Variants in NKAIN3 observed in about 807,000 individuals in gnomAD.
NKAIN3 encodes sodium/potassium transporting ATPase interacting 3, also known as sodium/potassium-transporting ATPase subunit beta-1-interacting protein 3.
A neutral mutation model predicts 30.2 loss-of-function variants in NKAIN3; 25 were observed. The observed-to-expected ratio is 0.83, with a 90% CI of 0.60 to 1.16. The LOEUF (loss-of-function observed/expected upper bound fraction) is 1.16. NKAIN3 is among the 50% of genes most tolerant of loss of function. The pLI, the probability that NKAIN3 is intolerant of heterozygous loss-of-function variation, is 0.00. For missense variants in NKAIN3, 225 were observed against 254.1 expected, an observed-to-expected ratio of 0.89 and a Z score of 0.78; for synonymous variants, 91 against 89.6, an observed-to-expected ratio of 1.02 and a Z score of -0.09.
chr8:62,788,765 T>C (rs1817607697), intron 4 of NKAIN3, among the ~76,000 whole-genome samples: 1 of 151,746 alleles, frequency 6.6e-6, no homozygotes, highest in South Asian at 2.1e-4. Flanking sequence ...CTAGCCAGTT[T>C]TCCCAGCACC....
chr8:62,906,393 G>A (rs905487344), intron 4 of NKAIN3, among the ~76,000 whole-genome samples: 5 of 152,192 alleles, frequency 3.3e-5, no homozygotes, highest in African/African-American at 1.2e-4. Context: ...TCTGCACAGA[G>A]CAGTGTGTCA....
At chr8:62,646,840 A>G (rs995149872) in intron 3 of NKAIN3, among the ~76,000 whole-genome samples, 9 of 152,182 alleles carry the variant, frequency 5.9e-5, no homozygotes, top group African/African-American at 2.2e-4. Context: ...AGAACAGGCC[A>G]ATCACAAAAT....
rs73258775 is a variant in NKAIN3 at position 62,855,698 on chromosome 8, G to A, written c.472-62755G>A. 5.5e-3 allele frequency: 8,759 copies of A among 1,593,540 alleles called. 391 individuals are homozygous for A. The African/African-American group carries it at 0.1, about 18-fold the overall frequency. On this transcript the variant is annotated intron_variant, in intron 4 of 6. Transcript: ENST00000623646. ...GTTCTCAAAGCTGTCACTTCTGCAT[G>A]TGAAGCGGAGCTTCTGAACGATAGC...
chr8:62,692,601 T>TC (rs35572018), intron 3 of NKAIN3, among the ~76,000 whole-genome samples: 67,413 of 152,046 alleles, frequency 0.44, 18,233 homozygotes, highest in African/African-American at 0.75. Flanking sequence ...GATCCCCATT[T>TC]CTTATTCTGG....
intron 3 of NKAIN3, among the ~76,000 whole-genome samples, chr8:62,703,195 T>TG (rs1296150094): frequency 1.3e-5 from 2 of 152,142 alleles, no homozygotes; most frequent in African/African-American, 2.4e-5. Flanking sequence ...TTTAATATAT[T>TG]AAAAATATAT....
At chr8:62,664,743 C>T (rs138426987) in intron 3 of NKAIN3, among the ~76,000 whole-genome samples, 3 of 152,130 alleles carry the variant, frequency 2.0e-5, no homozygotes, top group South Asian at 2.1e-4. Context: ...TCTTCTCCCC[C>T]CTATGCATCT....
rs75877876 is a variant in NKAIN3, at chr8:62,780,450, T to C, written c.471+33321T>C. On this transcript the variant is annotated intron_variant, in intron 4 of 6. Coordinates refer to ENST00000623646, the MANE Select transcript of NKAIN3 (RefSeq NM_001304533.3). ...AACTCATTCTACAATGATAGCATCA[T>C]CCTAATACCAAACCCAGACAAGGAC... is the stretch of plus-strand genomic sequence containing the variant. 4.8e-3 allele frequency among the ~76,000 whole-genome samples: 737 copies of C among 152,056 alleles called. 4 individuals are homozygous for C. The highest frequency in any genetic ancestry group is 0.012 in the South Asian group (58 of 4,822).
chr8:62,455,863 A>C (rs1182453254), intron 1 of NKAIN3, among the ~76,000 whole-genome samples: 1 of 152,154 alleles, frequency 6.6e-6, no homozygotes, highest in Non-Finnish European at 1.5e-5. Context: ...AATCCCCCTT[A>C]TCTTTGGGGG....
chr8:62,593,958 T>C (rs1810738235), intron 3 of NKAIN3, among the ~76,000 whole-genome samples: 1 of 152,052 alleles, frequency 6.6e-6, no homozygotes, highest in South Asian at 2.1e-4. Context: ...TTAATTTCTA[T>C]AGGGAAAGCA....
At position 62,272,889 on chromosome 8, in the gene NKAIN3, T is replaced by C. The variant is rs979101364; in HGVS notation, c.54+23762T>C. On this transcript the variant is annotated intron_variant, in intron 1 of 6. Transcript: ENST00000623646. ...TTATTATCAACTAAAACTTCAGATC[T>C]TCACATAAACTGTTGTCAGTCTGAG... 9.9e-5 allele frequency among the ~76,000 whole-genome samples: 15 copies of C among 152,234 alleles called. No individual in the cohort carries two copies. In the East Asian group the frequency reaches 2.9e-3, roughly 29 times the overall value.
At chr8:62,570,383 C>T (rs1267707967) in intron 1 of NKAIN3, among the ~76,000 whole-genome samples, 5 of 152,014 alleles carry the variant, frequency 3.3e-5, no homozygotes, top group East Asian at 1.9e-4. Context: ...TGTATTAATC[C>T]GTTTTCACAC....
At chr8:62,530,119 A>AT (rs1209991766) in intron 1 of NKAIN3, among the ~76,000 whole-genome samples, 7 of 152,172 alleles carry the variant, frequency 4.6e-5, no homozygotes, top group African/African-American at 1.7e-4. Context: ...CAACAGTATA[A>AT]AGTTAGGAGC....
intron 4 of NKAIN3, among the ~76,000 whole-genome samples, chr8:62,878,037 T>A (rs969403266): frequency 3.0e-4 from 22 of 72,776 alleles, no homozygotes; most frequent in Middle Eastern, 8.5e-3. Context: ...TGAAACTCCA[T>A]CTCAAAAAAA....
At chr8:62,418,352 G>T (rs991350031) in intron 1 of NKAIN3, among the ~76,000 whole-genome samples, 8 of 152,020 alleles carry the variant, frequency 5.3e-5, no homozygotes, top group African/African-American at 1.9e-4. Context: ...TCATAAAAAA[G>T]ATAGGAAAAA....
chr8:62,316,025 C>T (rs940530448), intron 1 of NKAIN3, among the ~76,000 whole-genome samples: 1 of 152,118 alleles, frequency 6.6e-6, no homozygotes, highest in Non-Finnish European at 1.5e-5. Context: ...AGTGAGTTTT[C>T]ATGAGATCTG....
intron 1 of NKAIN3, among the ~76,000 whole-genome samples, chr8:62,556,398 A>G (rs1274954521): frequency 6.6e-6 from 1 of 151,756 alleles, no homozygotes; most frequent in Non-Finnish European, 1.5e-5. Context: ...AACTCAAAAG[A>G]AGGACATAAA....
At chr8:62,431,421 A>T (rs1290855004) in intron 1 of NKAIN3, among the ~76,000 whole-genome samples, 6 of 151,804 alleles carry the variant, frequency 4.0e-5, no homozygotes, top group Non-Finnish European at 7.4e-5. Flanking sequence ...TTTTTCTGTT[A>T]GCCATTTTTT....
At chr8:62,545,041 G>A (rs2129909611) in intron 1 of NKAIN3, among the ~76,000 whole-genome samples, 1 of 152,266 alleles carries the variant, frequency 6.6e-6, no homozygotes, top group Admixed American at 6.5e-5. Context: ...AGGAAGAAGA[G>A]GAGGAGTTGG....
At chr8:62,941,800 A>G (rs1340058453) in intron 5 of NKAIN3, among the ~76,000 whole-genome samples, 1 of 152,154 alleles carries the variant, frequency 6.6e-6, no homozygotes, top group African/African-American at 2.4e-5. Flanking sequence ...ACCCACAGCC[A>G]ACACTATACT....
Sources: gnomAD v4.1 joint callset for allele counts (sites outside exome capture counted in the v4.1 genomes callset) on GRCh38, gnomAD v4.1.1 for gene constraint, MANE v1.5 for transcripts, NCBI Gene and HGNC (gene_info 2026-07-23, HGNC 2026-07-21) for gene names.